COL5A2: variants seen among roughly 807,000 people sequenced by gnomAD.
COL5A2 encodes the protein collagen type V alpha 2 chain.
Under a neutral mutation model 208.2 loss-of-function variants are expected in COL5A2, and 23 were observed. The ratio of observed to expected loss-of-function variants is 0.11; its 90% CI spans 0.08 to 0.16. COL5A2 has a LOEUF of 0.16. Among genes scored for constraint, COL5A2 ranks in the 10% least tolerant of loss-of-function variants. The pLI is 1.00. For missense variants in COL5A2, 1,590 were observed against 1,956.4 expected (o/e 0.81, Z 3.53); for synonymous variants, 625 against 628.5 (o/e 0.99, Z 0.08).
chr2:189,205,752 TAA>T (rs1434261340), intron 1 of COL5A2, among the ~76,000 whole-genome samples: 1 of 152,176 alleles, frequency 6.6e-6, no homozygotes, highest in Non-Finnish European at 1.5e-5. Context: ...ATTCCTATAG[TAA>T]TAAGACCTTT....
In COL5A2 at chr2:189,042,776, A is replaced by T. The variant is rs1240311493; in HGVS notation, c.3472-3T>A. ...CTTCCTTGTTCACCATTTGGACCCT[A>T]AGTAGGAATACAATAAAAAATGTTG... On this transcript the variant is annotated splice_polypyrimidine_tract_variant and splice_region_variant and intron_variant, in intron 48 of 53. Transcript: ENST00000374866. The T allele has an allele frequency of 6.2e-7, 1 of 1,603,540 alleles. No homozygotes were observed. Among genetic ancestry groups the T allele is most frequent in the Admixed American group, 1.7e-5 (1 of 59,342 alleles).
At chr2:189,121,042 G>C (rs937405396) in intron 1 of COL5A2, among the ~76,000 whole-genome samples, 2 of 151,626 alleles carry the variant, frequency 1.3e-5, no homozygotes, top group Admixed American at 1.3e-4. Flanking sequence ...AACCAGTGCA[G>C]TAACAGATTA....
At position 189,127,773 on chromosome 2, in the gene COL5A2, A is replaced by C. The variant is rs1168548835; in HGVS notation, c.98-17324T>G. 3.3e-5 allele frequency among the ~76,000 whole-genome samples: 5 copies of C among 151,994 alleles called. No individual in the cohort carries two copies. In the East Asian group the frequency reaches 9.6e-4, roughly 29 times the overall value. On this transcript the variant is annotated intron_variant, in intron 1 of 53. Transcript: ENST00000374866. Reference sequence around the variant, plus strand: ...TTCAAATCCATTTACATGTGTATCAAATGTAGAGTCATGCTCACCTGTCTC... The same window carrying C: ...TTCAAATCCATTTACATGTGTATCACATGTAGAGTCATGCTCACCTGTCTC...
At chr2:189,115,289 G>A (rs1687366396) in intron 1 of COL5A2, among the ~76,000 whole-genome samples, 1 of 151,722 alleles carries the variant, frequency 6.6e-6, no homozygotes, top group African/African-American at 2.4e-5. Flanking sequence ...TCACTAGATG[G>A]CAGACCAAAT....
chr2:189,196,140 A>C (rs1688998549), intron 1 of COL5A2, among the ~76,000 whole-genome samples: 1 of 152,212 alleles, frequency 6.6e-6, no homozygotes, highest in Non-Finnish European at 1.5e-5. Flanking sequence ...GAAATGGGCA[A>C]AGGATGTGAA....
At chr2:189,196,107 C>G (rs1688998151) in intron 1 of COL5A2, among the ~76,000 whole-genome samples, 1 of 151,946 alleles carries the variant, frequency 6.6e-6, no homozygotes, top group Non-Finnish European at 1.5e-5. Flanking sequence ...AACAAATTTA[C>G]AAGAAAAAAA....
chr2:189,360,934 G>A, the COL5A2 span, among the ~76,000 whole-genome samples: 2 of 150,864 alleles, frequency 1.3e-5, no homozygotes, highest in Admixed American at 6.6e-5. Context: ...CCAAGTCCCT[G>A]CAAAGGACAT....
chr2:189,213,737 C>A (rs1197445978), intron 1 of COL5A2, among the ~76,000 whole-genome samples: 1 of 152,092 alleles, frequency 6.6e-6, no homozygotes, highest in South Asian at 2.1e-4. Flanking sequence ...CCTATAAATA[C>A]ATAGTTGGTG....
chr2:189,398,611 G>A, the COL5A2 span, among the ~76,000 whole-genome samples: 2 of 152,012 alleles, frequency 1.3e-5, no homozygotes. Context: ...CTGTTTGCAT[G>A]ACATATCTTC....
In COL5A2 at chr2:189,051,327, C is replaced by T; in HGVS notation, c.2924G>A (p.Gly975Glu). Reference protein sequence around the residue: ...PGDKGDPGEDGQPGPDGPPGP... With the variant: ...PGDKGDPGEDEQPGPDGPPGP... ...CGGATACGCCAAACTTACAGGTTGC[C>T]CATCTTCTCCTGGGTCCCCTTTGTC... Residue 975 changes from glycine to glutamate, a missense_variant, in exon 42 of 54, where the codon GGG becomes GAG. Coordinates refer to ENST00000374866, the MANE Select transcript of COL5A2 (RefSeq NM_000393.5). 2 of 1,614,036 alleles carry T rather than the reference C, an allele frequency of 1.2e-6. No individual in the cohort carries two copies.
Position 189,061,594 on chromosome 2 carries a change from C to G in COL5A2, c.1999G>C (p.Glu667Gln). ...GPPGLAGERG[E>Q]QGPPGPTGFQ... is the part of the protein sequence containing the mutation. ...CCTGTGGGGCCTGGAGGTCCTTGTT[C>G]TCCTCTTTCACCAGCTAGACCCTAA... is the stretch of plus-strand genomic sequence containing the variant. The change falls in exon 30 of 54, where the codon GAA (glutamate) becomes CAA (glutamine). Residue 667 changes from glutamate (E) to glutamine (Q), a missense_variant. Coordinates refer to ENST00000374866, the MANE Select transcript of COL5A2 (RefSeq NM_000393.5). 1 of 1,612,924 alleles carries G rather than the reference C, an allele frequency of 6.2e-7. No homozygotes were observed. The highest frequency in any genetic ancestry group is 8.5e-7 in the Non-Finnish European group (1 of 1,179,342).
At chr2:189,061,446 G>A in intron 30 of COL5A2, 116 bp downstream of exon 30, 1 of 799,114 alleles carries the variant, frequency 1.3e-6, no homozygotes, top group Non-Finnish European at 2.1e-6. Context: ...TACTAAAAGA[G>A]GGATGACTTT....
At chr2:189,414,757 A>C in the COL5A2 span, among the ~76,000 whole-genome samples, 2 of 149,218 alleles carry the variant, frequency 1.3e-5, no homozygotes, top group South Asian at 4.2e-4. Flanking sequence ...CTGTCTCAAA[A>C]AAAAAAAAAA....
chr2:189,105,226 T>C (rs1290174480), intron 2 of COL5A2, among the ~76,000 whole-genome samples: 1 of 151,722 alleles, frequency 6.6e-6, no homozygotes, highest in East Asian at 1.9e-4. Flanking sequence ...TAAGATAAAT[T>C]CCCCAATATC....
At chr2:189,068,599 T>C (rs985374420) in intron 19 of COL5A2, among the ~76,000 whole-genome samples, 187 bp downstream of exon 19, 17 of 152,138 alleles carry the variant, frequency 1.1e-4, no homozygotes, top group African/African-American at 4.1e-4. Flanking sequence ...ATATGCTCAA[T>C]GGGATGGATA....
the COL5A2 span, among the ~76,000 whole-genome samples, chr2:189,334,440 A>G: frequency 6.6e-6 from 1 of 152,052 alleles, no homozygotes; most frequent in Non-Finnish European, 1.5e-5. Context: ...TAACTCTTTT[A>G]AAATATTACC....
At position 189,127,008 on chromosome 2, in the gene COL5A2, A is replaced by T. The variant is rs368377368; in HGVS notation, c.98-16559T>A. ...CCAAGGAACTAAAGTGCAAAACGAT[A>T]AGCAACTTACAGAAATAAATTCAGA... On this transcript the variant is annotated intron_variant, in intron 1 of 53. Transcript: ENST00000374866. Among the ~76,000 whole-genome samples the T allele has an allele frequency of 1.4e-4, 21 of 152,186 alleles. No individual in the cohort carries two copies. In the South Asian group the frequency reaches 3.9e-3, roughly 29 times the overall value.
chr2:189,322,234 T>C, the COL5A2 span, among the ~76,000 whole-genome samples: 3 of 152,226 alleles, frequency 2.0e-5, no homozygotes, highest in East Asian at 1.9e-4. Context: ...AGGAAAGATC[T>C]AAAATTGACA....
At position 189,056,995 on chromosome 2, in the gene COL5A2, G is replaced by A. The variant is rs765334928; in HGVS notation, c.2369C>T (p.Thr790Ile). The change falls in exon 35 of 54, where the codon ACA becomes ATA. Residue 790 changes from threonine (T) to isoleucine (I), a missense_variant. Transcript: ENST00000374866. ...GGIGEKGAEG[T>I]AGNDGARGLP... is the part of the protein sequence containing the mutation. ...TACTCTTGCACCATCATTTCCAGCT[G>A]TGCCTTCAGCACCTTTTTCTCCTAT... 2 of 1,613,990 alleles carry A rather than the reference G, an allele frequency of 1.2e-6. No individual in the cohort carries two copies. The highest frequency in any genetic ancestry group is 1.7e-6 in the Non-Finnish European group (2 of 1,179,972).
Sources: gnomAD v4.1 joint callset for allele counts (sites outside exome capture counted in the v4.1 genomes callset) on GRCh38, gnomAD v4.1.1 for gene constraint, MANE v1.5 for transcripts, NCBI Gene and HGNC (gene_info 2026-07-23, HGNC 2026-07-21) for gene names.